The following PCDHGB1 variants were observed in gnomAD, a reference collection of about 807,000 sequenced individuals.
The protein encoded by PCDHGB1 is protocadherin gamma-B1.
In PCDHGB1, 34 loss-of-function variants were observed where a neutral mutation model predicts 56.6. That is an observed-to-expected ratio of 0.60 (90% confidence interval 0.46 to 0.80). The LOEUF (loss-of-function observed/expected upper bound fraction) is 0.80. PCDHGB1 is among the 30% of genes least tolerant of loss of function. The pLI, the probability that PCDHGB1 is intolerant of heterozygous loss-of-function variation, is 0.00. For missense variants in PCDHGB1, 1,278 were observed against 1,204.6 expected, an observed-to-expected ratio of 1.06 and a Z score of -0.90; for synonymous variants, 561 against 505.9, an observed-to-expected ratio of 1.11 and a Z score of -1.46.
rs192631651 is a variant in PCDHGB1 at position 141,432,052 on chromosome 5, C to T, written c.2410-62755C>T. On this transcript the variant is annotated intron_variant, in intron 1 of 3. Transcript: ENST00000523390. This position sits in a 1 kb window ranked among gnomAD's most constrained non-coding sequence, Gnocchi z 6.0. ...CCGCCACTGACCGGGGAACCCCGCC[C>T]CTATCCACGGAAACTCATATCTCGC... is the stretch of plus-strand genomic sequence containing the variant. The T allele has an allele frequency of 1.2e-6, 2 of 1,614,108 alleles. No individual in the cohort carries two copies. The highest frequency in any genetic ancestry group is 1.3e-5 in the African/African-American group (1 of 74,930).
At chr5:141,398,775 C>T in intron 1 of PCDHGB1, 1 of 1,613,926 alleles carries the variant, frequency 6.2e-7, no homozygotes, top group African/African-American at 1.3e-5. Flanking sequence ...CTGCCTTGGA[C>T]GGTGGACATC....
intron 1 of PCDHGB1, chr5:141,374,920 T>A: frequency 1.1e-5 from 17 of 1,613,964 alleles, no homozygotes; most frequent in Non-Finnish European, 1.4e-5. Context: ...AAGTAACTTA[T>A]TCCTTTGTGA....
chr5:141,365,077 G>C (rs1048742374), intron 1 of PCDHGB1: 1 of 1,613,842 alleles, frequency 6.2e-7, no homozygotes. Context: ...AGTACAGCGT[G>C]AGTGTTCCAG....
At chr5:141,358,180 C>A (rs769870825) in intron 1 of PCDHGB1, among the ~76,000 whole-genome samples, 15 of 152,104 alleles carry the variant, frequency 9.9e-5, no homozygotes, top group Non-Finnish European at 1.9e-4. Context: ...ACAGAGCAAG[C>A]CTCTGTCTCC....
intron 1 of PCDHGB1, chr5:141,399,924 G>A: frequency 6.2e-7 from 1 of 1,612,346 alleles, no homozygotes; most frequent in Non-Finnish European, 8.5e-7. Context: ...ACAACGCCTG[G>A]CTGTCCTACC....
At chr5:141,366,219 G>A (rs888571729) in intron 1 of PCDHGB1, 8 of 1,613,694 alleles carry the variant, frequency 5.0e-6, no homozygotes, top group African/African-American at 1.3e-5. Flanking sequence ...CGCACAGCGC[G>A]AGCCCTGCTG....
intron 1 of PCDHGB1, chr5:141,370,715 A>C (rs767773166): frequency 5.0e-6 from 8 of 1,613,816 alleles, no homozygotes; most frequent in East Asian, 2.2e-5. Flanking sequence ...TGGAATTTGA[A>C]ATGGTTGCTG....
At position 141,487,915 on chromosome 5, in the gene PCDHGB1, G is replaced by T; in HGVS notation, c.2410-6892G>T. The T allele has an allele frequency of 1.5e-6, 1 of 655,128 alleles. No homozygotes were observed. Among genetic ancestry groups the T allele is most frequent in the Middle Eastern group, 3.5e-4 (1 of 2,862 alleles). The allele number at this position is 655,128 out of a possible 1,614,324, so 40.6% of individuals were successfully genotyped here. ...GATGATGGAATGTGGGAGCACAGGA[G>T]GCTACAGTGCACAGGGTACAGTGCA... On this transcript the variant is annotated intron_variant, in intron 1 of 3. Coordinates refer to ENST00000523390, the MANE Select transcript of PCDHGB1 (RefSeq NM_018922.3). This position sits in a 1 kb window ranked among gnomAD's most constrained non-coding sequence, Gnocchi z 5.0.
intron 2 of PCDHGB1, among the ~76,000 whole-genome samples, chr5:141,503,351 C>T (rs1186394919): frequency 6.6e-6 from 1 of 151,994 alleles, no homozygotes; most frequent in Admixed American, 6.6e-5. Context: ...AATTCCAGCA[C>T]TTTGGGAAGC....
chr5:141,368,627 T>A (rs1237870416), intron 1 of PCDHGB1, among the ~76,000 whole-genome samples: 1 of 152,216 alleles, frequency 6.6e-6, no homozygotes, highest in Admixed American at 6.5e-5. Flanking sequence ...ACATTTCTTC[T>A]GAGTTAAATG....
At chr5:141,504,203 A>G (rs2099836487) in intron 2 of PCDHGB1, among the ~76,000 whole-genome samples, 1 of 152,248 alleles carries the variant, frequency 6.6e-6, no homozygotes, top group Non-Finnish European at 1.5e-5. Context: ...TCACTGTGGG[A>G]AAATTCCAAG....
chr5:141,375,216 T>A (rs1368760534), intron 1 of PCDHGB1: 1 of 1,614,014 alleles, frequency 6.2e-7, no homozygotes, highest in Admixed American at 1.7e-5. Context: ...GACTCTGGCC[T>A]GAATGGCCTG....
chr5:141,455,006 G>A (rs1194194759), intron 1 of PCDHGB1, among the ~76,000 whole-genome samples: 2 of 150,910 alleles, frequency 1.3e-5, no homozygotes, highest in Non-Finnish European at 3.0e-5. Flanking sequence ...TAGAGACGGG[G>A]TTTCACCGTG....
At chr5:141,389,794 G>A (rs1015982333) in intron 1 of PCDHGB1, 21 of 1,613,396 alleles carry the variant, frequency 1.3e-5, no homozygotes, top group East Asian at 2.2e-5. Flanking sequence ...GACGCCGTCC[G>A]CCAGCGCCTT....
intron 1 of PCDHGB1, chr5:141,405,414 T>C (rs758249146): frequency 1.1e-4 from 169 of 1,562,196 alleles, no homozygotes; most frequent in Non-Finnish European, 1.5e-4. Context: ...TTTCTTTTTT[T>C]GTTTTTTGTT....
chr5:141,357,220 G>A, intron 1 of PCDHGB1: 1 of 1,613,852 alleles, frequency 6.2e-7, no homozygotes. Context: ...TGTCCTGGCT[G>A]ACTTGGGCAG....
chr5:141,494,688 A>T (rs2099756168), intron 1 of PCDHGB1, 119 bp from the exon 2 acceptor site: 1 of 1,576,254 alleles, frequency 6.3e-7, no homozygotes, highest in Non-Finnish European at 8.6e-7. Context: ...GCCCCCTCTT[A>T]GTCCGTTTTC....
intron 1 of PCDHGB1, chr5:141,372,544 G>A (rs1768857250): frequency 2.5e-6 from 4 of 1,613,872 alleles, no homozygotes; most frequent in African/African-American, 1.3e-5. Context: ...CGCCTGCGAT[G>A]CTCCTCCAGA....
intron 1 of PCDHGB1, among the ~76,000 whole-genome samples, chr5:141,475,567 A>G (rs1260546062): frequency 6.6e-6 from 1 of 152,244 alleles, no homozygotes; most frequent in African/African-American, 2.4e-5. Flanking sequence ...CTGTCTTCCA[A>G]CAAGCCAGAT....
Sources: allele counts gnomAD v4.1 joint callset (sites outside exome capture counted in the v4.1 genomes callset), GRCh38; gene constraint gnomAD v4.1.1; non-coding constraint Gnocchi (gnomAD v3.1); transcripts MANE v1.5; gene names NCBI Gene and HGNC (gene_info 2026-07-23, HGNC 2026-07-21).